Variants in GFRA1 observed in about 807,000 individuals in gnomAD.
GFRA1 encodes the protein GDNF family receptor alpha 1.
GFRA1 carries 16 observed loss-of-function variants against 51.6 expected under a neutral mutation model. The ratio of observed to expected loss-of-function variants is 0.31; its 90% confidence interval spans 0.21 to 0.47. The LOEUF (loss-of-function observed/expected upper bound fraction) is 0.47, where lower values mean the gene tolerates loss of function less well. Among genes scored for constraint, GFRA1 ranks in the 20% least tolerant of loss-of-function variants. The pLI is 1.00. For missense variants in GFRA1, 530 were observed against 594.3 expected, an observed-to-expected ratio of 0.89 and a Z score of 1.13; for synonymous variants, 270 against 241.3, an observed-to-expected ratio of 1.12 and a Z score of -1.10.
chr10:116,173,751 T>C (rs1051930004), intron 5 of GFRA1, among the ~76,000 whole-genome samples: 3 of 152,190 alleles, frequency 2.0e-5, no homozygotes, highest in African/African-American at 7.2e-5. Flanking sequence ...ATCTGTTTAG[T>C]TGGGCCGAAC....
intron 4 of GFRA1, among the ~76,000 whole-genome samples, chr10:116,237,543 C>T (rs1055817898): frequency 6.5e-5 from 9 of 137,462 alleles, no homozygotes; most frequent in African/African-American, 2.4e-4. Context: ...AGTACATACT[C>T]GAATAGATTA....
chr10:116,100,340 C>T (rs188068271), intron 6 of GFRA1, among the ~76,000 whole-genome samples: 37 of 152,270 alleles, frequency 2.4e-4, no homozygotes, highest in African/African-American at 7.5e-4. Flanking sequence ...ATGAGGAAAC[C>T]GAGGCACGGA....
chr10:116,195,367 T>C (rs928018046), intron 5 of GFRA1, among the ~76,000 whole-genome samples: 1 of 152,196 alleles, frequency 6.6e-6, no homozygotes, highest in African/African-American at 2.4e-5. Context: ...AGAGCAGTGG[T>C]CACCAACCTT....
intron 6 of GFRA1, among the ~76,000 whole-genome samples, chr10:116,122,837 C>T (rs975371573): frequency 6.6e-6 from 1 of 152,212 alleles, no homozygotes; most frequent in Non-Finnish European, 1.5e-5. Flanking sequence ...CCCCATACAG[C>T]TTCCCATCTT....
At chr10:116,128,725 CAAAAAAAAA>C (rs67642059) in intron 5 of GFRA1, among the ~76,000 whole-genome samples, 7 of 87,830 alleles carry the variant, frequency 8.0e-5, no homozygotes, top group Non-Finnish European at 1.3e-4. Context: ...GACTCTGTCT[CAAAAAAAAA>C]AAAAAAAAAA....
At chr10:116,095,378 T>C (rs1228262284) in intron 7 of GFRA1, among the ~76,000 whole-genome samples, 1 of 152,248 alleles carries the variant, frequency 6.6e-6, no homozygotes, top group African/African-American at 2.4e-5. Context: ...GGCTTCTCTG[T>C]ATTTTTAAAA....
upstream of GFRA1, among the ~76,000 whole-genome samples, chr10:116,274,588 C>T (rs909320559): frequency 8.5e-5 from 13 of 152,120 alleles, no homozygotes; most frequent in Non-Finnish European, 1.3e-4. Flanking sequence ...AGGCGGGCTG[C>T]ATATTGTGTG....
At chr10:116,131,901 A>C (rs1958118121) in intron 5 of GFRA1, among the ~76,000 whole-genome samples, 2 of 133,432 alleles carry the variant, frequency 1.5e-5, no homozygotes, top group Non-Finnish European at 3.3e-5. Flanking sequence ...ATTATCTCAA[A>C]AGGAAAAAAA....
At chr10:116,174,586 C>T (rs761938360) in intron 5 of GFRA1, among the ~76,000 whole-genome samples, 1 of 152,140 alleles carries the variant, frequency 6.6e-6, no homozygotes, top group Non-Finnish European at 1.5e-5. Context: ...AATAGGCTTC[C>T]ATTTAAGAAG....
At chr10:116,065,508 GC>G (rs1424602777) in intron 10 of GFRA1, 64 bp downstream of exon 10, 5 of 1,289,036 alleles carry the variant, frequency 3.9e-6, no homozygotes, top group Middle Eastern at 1.8e-4. Flanking sequence ...ATGATACCCT[GC>G]CCCCAGGGGC....
intron 4 of GFRA1, among the ~76,000 whole-genome samples, chr10:116,213,781 G>A (rs886543536): frequency 1.3e-4 from 20 of 152,266 alleles, no homozygotes; most frequent in Admixed American, 1.1e-3. Context: ...GGGCACACAT[G>A]ACCCCACAGG....
At chr10:116,122,054 A>T (rs1589805524) in intron 6 of GFRA1, among the ~76,000 whole-genome samples, 1 of 152,330 alleles carries the variant, frequency 6.6e-6, no homozygotes, top group East Asian at 1.9e-4. Context: ...GAAAGAAATT[A>T]TGGGCTAAAT....
intron 5 of GFRA1, among the ~76,000 whole-genome samples, chr10:116,211,260 C>T (rs571036170): frequency 7.2e-5 from 11 of 152,308 alleles, no homozygotes; most frequent in East Asian, 1.9e-4. Context: ...GCAGCTGAGC[C>T]GGATGCAGGA....
chr10:116,244,461 T>TTTAATTTCA (rs1565676218), intron 4 of GFRA1, among the ~76,000 whole-genome samples: 2 of 145,404 alleles, frequency 1.4e-5, no homozygotes, highest in African/African-American at 5.1e-5. Flanking sequence ...TTTAATTTAA[T>TTTAATTTCA]TTTAATATAT....
chr10:116,158,119 G>C (rs1262867291), intron 5 of GFRA1, among the ~76,000 whole-genome samples: 1 of 152,148 alleles, frequency 6.6e-6, no homozygotes, highest in Non-Finnish European at 1.5e-5. Context: ...TGTTGATGCA[G>C]AACTCCCATC....
At chr10:116,071,654 A>C (rs1337561406) in intron 9 of GFRA1, among the ~76,000 whole-genome samples, 1 of 152,214 alleles carries the variant, frequency 6.6e-6, no homozygotes, top group Non-Finnish European at 1.5e-5. Flanking sequence ...GAACTGTGCA[A>C]TTTAGTTTGA....
chr10:116,080,894 A>G (rs1955821622), intron 9 of GFRA1, among the ~76,000 whole-genome samples: 1 of 152,068 alleles, frequency 6.6e-6, no homozygotes, highest in African/African-American at 2.4e-5. Context: ...ACTCTAACAA[A>G]ACTTTGGAGA....
In GFRA1 at chr10:116,124,125, G is replaced by A. The variant is rs547323164; in HGVS notation, c.770+1096C>T. On this transcript the variant is annotated intron_variant, in intron 6 of 10. Transcript: ENST00000355422. The stretch of plus-strand genomic sequence containing the variant: ...TCACCATGTTGGCCAGGCAGGTCTC[G>A]AACTCCCGACCTCAAGCGATCTGCC... Among the ~76,000 whole-genome samples the A allele has an allele frequency of 7.9e-5, 12 of 151,782 alleles. No homozygotes were observed. In the East Asian group the frequency reaches 1.6e-3, roughly 20 times the overall value.
intron 8 of GFRA1, among the ~76,000 whole-genome samples, chr10:116,091,890 T>A (rs1032953979): frequency 6.6e-6 from 1 of 152,152 alleles, no homozygotes; most frequent in Non-Finnish European, 1.5e-5. Context: ...TGAAAAGTCA[T>A]TAACAATGAG....
Sources: allele counts gnomAD v4.1 joint callset (sites outside exome capture counted in the v4.1 genomes callset), GRCh38; gene constraint gnomAD v4.1.1; transcripts MANE v1.5; gene names NCBI Gene and HGNC (gene_info 2026-07-23, HGNC 2026-07-21).